The following FAM81A variants were observed in gnomAD, a reference collection of about 807,000 sequenced individuals.
FAM81A encodes protein FAM81A.
Under a neutral mutation model 46.7 loss-of-function variants are expected in FAM81A, and 19 were observed. The ratio of observed to expected loss-of-function variants is 0.41; its 90% CI spans 0.28 to 0.60. FAM81A has a LOEUF of 0.60. FAM81A is among the 20% of genes least tolerant of loss of function. The probability of loss-of-function intolerance (pLI) is 0.34; values close to 1 mark genes in which losing one functional copy is unlikely to be tolerated. For synonymous variants in FAM81A, 183 were observed against 152.9 expected (o/e 1.20, Z -1.45); for missense variants, 377 against 453.5 (o/e 0.83, Z 1.53).
intron 1 of FAM81A, among the ~76,000 whole-genome samples, chr15:59,449,648 G>T (rs946453157): frequency 3.4e-4 from 51 of 152,072 alleles, no homozygotes; most frequent in African/African-American, 1.2e-3. Context: ...CGGGCGTGGT[G>T]GCGGGCGCCT....
At chr15:59,428,521 G>A (rs1284423556) in intron 2 of FAM81A, among the ~76,000 whole-genome samples, 1 of 149,668 alleles carries the variant, frequency 6.7e-6, no homozygotes, top group Non-Finnish European at 1.5e-5. Flanking sequence ...GTGCTTCTCA[G>A]GCCTCAGCCT....
At chr15:59,438,019 C>A (rs1319122170), upstream of FAM81A, among the ~76,000 whole-genome samples, 2 of 150,904 alleles carry the variant, frequency 1.3e-5, no homozygotes, top group Non-Finnish European at 3.0e-5. Flanking sequence ...GGGAAAGCCT[C>A]CAGCTCGGGC....
intron 1 of FAM81A, among the ~76,000 whole-genome samples, chr15:59,400,222 C>T (rs1299770814): frequency 6.6e-6 from 1 of 151,986 alleles, no homozygotes; most frequent in Non-Finnish European, 1.5e-5. Context: ...TGGGGGAATG[C>T]GTCTGCACAC....
At chr15:59,496,039 C>T (rs1337162462) in intron 4 of FAM81A, among the ~76,000 whole-genome samples, 1 of 152,110 alleles carries the variant, frequency 6.6e-6, no homozygotes, top group African/African-American at 2.4e-5. Flanking sequence ...TAACATCTAT[C>T]TTTTCTTCAG....
chr15:59,442,491 C>T (rs549065838), intron 1 of FAM81A, among the ~76,000 whole-genome samples: 1 of 151,872 alleles, frequency 6.6e-6, no homozygotes, highest in East Asian at 1.9e-4. Context: ...GTGGTGAGCG[C>T]CTGTAATCCC....
At chr15:59,421,309 A>C (rs755464079) in intron 2 of FAM81A, among the ~76,000 whole-genome samples, 1 of 152,214 alleles carries the variant, frequency 6.6e-6, no homozygotes, top group Non-Finnish European at 1.5e-5. Flanking sequence ...GTGTGGGAGT[A>C]GATGTGGACC....
intron 3 of FAM81A, among the ~76,000 whole-genome samples, chr15:59,475,367 C>T (rs1313136899): frequency 2.6e-5 from 4 of 152,118 alleles, no homozygotes; most frequent in Non-Finnish European, 5.9e-5. Flanking sequence ...GTCTTGAGCT[C>T]CTGTCCTCAA....
At chr15:59,501,723 T>G (rs1197905377) in intron 4 of FAM81A, among the ~76,000 whole-genome samples, 1 of 152,138 alleles carries the variant, frequency 6.6e-6, no homozygotes, top group Non-Finnish European at 1.5e-5. Flanking sequence ...GGCCACAACC[T>G]GGAATTGTAT....
chr15:59,479,153 G>A (rs1295297077), intron 3 of FAM81A, among the ~76,000 whole-genome samples: 1 of 152,204 alleles, frequency 6.6e-6, no homozygotes, highest in African/African-American at 2.4e-5. Context: ...TAACCAAGGT[G>A]ATGTTAGCTG....
In FAM81A at chr15:59,401,274, C is replaced by G. The variant is rs190504639; in HGVS notation, c.-160-1002C>G. 373 of 1,030,590 alleles carry G rather than the reference C, an allele frequency of 3.6e-4. No homozygotes were observed. In the African/African-American group the frequency reaches 5.4e-3, roughly 15 times the overall value. The allele number at this position is 1,030,590 out of a possible 1,614,324, so 63.8% of individuals were successfully genotyped here. On this transcript the variant is annotated intron_variant, in intron 1 of 4. Coordinates refer to the FAM81A transcript ENST00000558348. Reference sequence around the variant, plus strand: ...CATCATTTTCAGGATTGTTGGTAACCTGGGCATATTTTCCCCAAATAACTG... The same window carrying G: ...CATCATTTTCAGGATTGTTGGTAACGTGGGCATATTTTCCCCAAATAACTG...
chr15:59,480,930 G>A (rs1467748915), intron 3 of FAM81A, among the ~76,000 whole-genome samples: 11 of 152,250 alleles, frequency 7.2e-5, no homozygotes, highest in East Asian at 5.8e-4. Flanking sequence ...CTAGTAACAT[G>A]AATACTTTGT....
In FAM81A at chr15:59,462,220, A is replaced by C. The variant is rs532541687; in HGVS notation, c.294+2014A>C. On this transcript the variant is annotated intron_variant, in intron 3 of 8. Coordinates refer to ENST00000288228, the MANE Select transcript of FAM81A (RefSeq NM_152450.3). ...TGCATCTCAAAAAAAAAAAAAAAAA[A>C]CATAGCCAAATAATTTTCCAAAGTG... Among the ~76,000 whole-genome samples the C allele has an allele frequency of 1.8e-3, 273 of 151,856 alleles. 2 individuals are homozygous for C. Among genetic ancestry groups the C allele is most frequent in the African/African-American group, 6.3e-3 (259 of 41,430 alleles).
At chr15:59,447,130 G>C (rs894143195) in intron 1 of FAM81A, among the ~76,000 whole-genome samples, 1 of 152,158 alleles carries the variant, frequency 6.6e-6, no homozygotes, top group African/African-American at 2.4e-5. Context: ...TCTTTCCACT[G>C]TTTTAAAAGA....
chr15:59,462,327 T>G (rs1216349060), intron 3 of FAM81A, among the ~76,000 whole-genome samples: 1 of 152,224 alleles, frequency 6.6e-6, no homozygotes, highest in Non-Finnish European at 1.5e-5. Flanking sequence ...GCATTATCTT[T>G]TTTTATTATA....
rs187353190 is a variant in FAM81A, at chr15:59,459,267, T to G, written c.20+621T>G. On this transcript the variant is annotated intron_variant, in intron 2 of 8. Coordinates refer to ENST00000288228, the MANE Select transcript of FAM81A (RefSeq NM_152450.3). ...CTCCCACCTCAGCCACCCAAAGTGT[T>G]GGGATTACAGGTGTGAGCCACTGTG... Among the ~76,000 whole-genome samples, 45 of 152,342 alleles carry G rather than the reference T, an allele frequency of 3.0e-4. No individual in the cohort carries two copies. In the East Asian group the frequency reaches 8.5e-3, roughly 29 times the overall value.
At chr15:59,411,656 C>G (rs1343564840) in intron 2 of FAM81A, among the ~76,000 whole-genome samples, 1 of 152,204 alleles carries the variant, frequency 6.6e-6, no homozygotes, top group Non-Finnish European at 1.5e-5. Flanking sequence ...TGGTTCACTC[C>G]TGTAATCCCA....
chr15:59,457,859 G>C (rs2081503497), intron 1 of FAM81A, among the ~76,000 whole-genome samples: 1 of 152,162 alleles, frequency 6.6e-6, no homozygotes, highest in Non-Finnish European at 1.5e-5. Flanking sequence ...ATTGATAGCA[G>C]TATTGAGGAA....
chr15:59,474,133 C>A (rs1186785367), intron 3 of FAM81A, among the ~76,000 whole-genome samples: 1 of 152,174 alleles, frequency 6.6e-6, no homozygotes, highest in African/African-American at 2.4e-5. Flanking sequence ...GCCACTCTTA[C>A]TATAGCATTT....
upstream of FAM81A, among the ~76,000 whole-genome samples, chr15:59,437,852 A>T (rs1275185202): frequency 6.6e-6 from 1 of 152,138 alleles, no homozygotes; most frequent in East Asian, 1.9e-4. Context: ...TCCCTACAAC[A>T]GGATTTATTT....
Sources: allele counts gnomAD v4.1 joint callset (sites outside exome capture counted in the v4.1 genomes callset), GRCh38; gene constraint gnomAD v4.1.1; transcripts MANE v1.5; gene names NCBI Gene and HGNC (gene_info 2026-07-23, HGNC 2026-07-21).